The following SELENOO variants were observed in gnomAD, a reference collection of about 807,000 sequenced individuals.
SELENOO encodes selenoprotein O.
SELENOO carries 74 observed loss-of-function variants against 58.7 expected under a neutral mutation model. The ratio of observed to expected loss-of-function variants is 1.26; its 90% CI spans 1.04 to 1.53. SELENOO has a LOEUF of 1.53. Among genes scored for constraint, SELENOO ranks in the 40% most tolerant of loss-of-function variants. The pLI is 0.00. For synonymous variants in SELENOO, 543 were observed against 453.2 expected (o/e 1.20, Z -2.52); for missense variants, 1,149 against 970.0 (o/e 1.18, Z -2.45).
rs1483882438 is a variant in SELENOO, at chr22:50,201,547, T to C, written c.511T>C (p.Trp171Arg). 1.5e-5 allele frequency: 21 copies of C among 1,388,172 alleles called. No individual in the cohort carries two copies. Among genetic ancestry groups the C allele is most frequent in the Non-Finnish European group, 2.0e-5 (21 of 1,066,358 alleles). The allele number at this position is 1,388,172 out of a possible 1,614,324, so 86.0% of individuals were successfully genotyped here. ...GGTGTGCACGGCGACCGGCGAGCGC[T>C]GGGAGCTGCAGCTCAAGGGCGCCGG... Reference protein sequence around the residue: ...GEVCTATGERWELQLKGAGPT... With the variant: ...GEVCTATGERRELQLKGAGPT... The change falls in exon 1 of 9, where the codon TGG becomes CGG. Residue 171 changes from tryptophan to arginine, a missense_variant. Trp to Arg is a moderately radical substitution (Grantham distance 101). Coordinates refer to ENST00000380903, the MANE Select transcript of SELENOO (RefSeq NM_031454.2).
intron 3 of SELENOO, 90 bp from the exon 4 acceptor site, chr22:50,210,091 C>T: frequency 1.3e-6 from 2 of 1,495,384 alleles, no homozygotes; most frequent in Non-Finnish European, 1.8e-6. Flanking sequence ...CAGCGAAGCA[C>T]AGCCGGTTTC....
At chr22:50,212,796 C>T (rs2064379984) in intron 5 of SELENOO, among the ~76,000 whole-genome samples, 1 of 150,740 alleles carries the variant, frequency 6.6e-6, no homozygotes, top group Non-Finnish European at 1.5e-5. Context: ...TGTTGTCTCC[C>T]TCTAATCTTC....
Position 50,201,435 on chromosome 22 carries a change from C to A in SELENOO, c.399C>A (p.Ala133=). The A allele has an allele frequency of 1.5e-6, 2 of 1,378,140 alleles. No individual in the cohort carries two copies. The highest frequency in any genetic ancestry group is 1.9e-6 in the Non-Finnish European group (2 of 1,060,626). 85.4% of individuals were successfully genotyped at this position (1,378,140 alleles called of 1,614,324 possible). The change falls in exon 1 of 9, where the codon GCC becomes GCA. Residue 133 remains alanine, a synonymous_variant. Coordinates refer to ENST00000380903, the MANE Select transcript of SELENOO (RefSeq NM_031454.2). ...FFSGNALLPG[A]EPAAHCYCGH... is the part of the protein sequence containing the mutation. Reference sequence around the variant, plus strand: ...GCGGCAACGCGCTCCTGCCGGGCGCCGAGCCCGCCGCGCACTGCTACTGCG... The same window carrying A: ...GCGGCAACGCGCTCCTGCCGGGCGCAGAGCCCGCCGCGCACTGCTACTGCG...
chr22:50,217,234 C>A lies in SELENOO; in HGVS notation c.1875C>A (p.Thr625=). 1.2e-6 allele frequency: 2 copies of A among 1,611,914 alleles called. No individual in the cohort carries two copies. Among genetic ancestry groups the A allele is most frequent in the Non-Finnish European group, 1.7e-6 (2 of 1,179,512 alleles). ...GGCGGGTGCTGAAACTACTGGAGACCCCTTACCACTGCGAGGCGGGGGCCG... is the reference window on the plus strand; with the variant it reads ...GGCGGGTGCTGAAACTACTGGAGACACCTTACCACTGCGAGGCGGGGGCCG... ...EVRRVLKLLE[T]PYHCEAGAAT... is the part of the protein sequence containing the mutation. Residue 625 remains threonine (T), a synonymous_variant, in exon 9 of 9, where the codon ACC becomes ACA. Coordinates refer to ENST00000380903, the MANE Select transcript of SELENOO (RefSeq NM_031454.2).
chr22:50,214,356 A>AT (rs1327998927), intron 5 of SELENOO, among the ~76,000 whole-genome samples: 1 of 152,198 alleles, frequency 6.6e-6, no homozygotes, highest in Non-Finnish European at 1.5e-5. Context: ...ATGGTGGCTC[A>AT]TGCCTGTAAT....
chr22:50,201,256 C>A lies in SELENOO; in HGVS notation c.220C>A (p.Pro74Thr). Residue 74 changes from proline to threonine, a missense_variant, in exon 1 of 9, where the codon CCG (proline) becomes ACG (threonine). Physicochemically the swap from Pro to Thr is conservative, Grantham distance 38. Coordinates refer to ENST00000380903, the MANE Select transcript of SELENOO (RefSeq NM_031454.2). ...PPGPEGAPSAPRPVPGACFTR... is the reference protein window; with the variant it reads ...PPGPEGAPSATRPVPGACFTR... ...CGGTCCCGAGGGCGCCCCGTCCGCG[C>A]CGCGGCCCGTGCCCGGGGCCTGCTT... is the stretch of plus-strand genomic sequence containing the variant. The A allele has an allele frequency of 9.3e-7, 1 of 1,073,006 alleles. No individual in the cohort carries two copies. The highest frequency in any genetic ancestry group is 6.8e-5 in the East Asian group (1 of 14,700). The allele number at this position is 1,073,006 out of a possible 1,614,324, so 66.5% of individuals were successfully genotyped here. A position where few individuals can be genotyped will look rare whatever the true frequency, so the allele number is the denominator to read the frequency against.
At position 50,208,699 on chromosome 22, in the gene SELENOO, G is replaced by T; in HGVS notation, c.922G>T (p.Ala308Ser). ...AHASDSVQRN[A>S]AFFREVTRRT... ...TGCCAGCGACAGCGTGCAGAGAAAT[G>T]CTGCCTTCTTCCGGGAGGTCAGTGG... The change falls in exon 3 of 9, where the codon GCT (alanine) becomes TCT (serine). Residue 308 changes from alanine to serine, a missense_variant. By Grantham distance (99) the Ala-to-Ser change is moderately conservative. Coordinates refer to ENST00000380903, the MANE Select transcript of SELENOO (RefSeq NM_031454.2). 6.2e-7 allele frequency: 1 copy of T among 1,612,866 alleles called. No homozygotes were observed.
At chr22:50,206,827 C>T (rs2064336206) in intron 2 of SELENOO, among the ~76,000 whole-genome samples, 1 of 152,166 alleles carries the variant, frequency 6.6e-6, no homozygotes, top group Non-Finnish European at 1.5e-5. Flanking sequence ...GCTGGTGTGT[C>T]TCAAAGCACC....
At chr22:50,215,114 T>C (rs1382414072) in intron 5 of SELENOO, among the ~76,000 whole-genome samples, 1 of 152,236 alleles carries the variant, frequency 6.6e-6, no homozygotes, top group Non-Finnish European at 1.5e-5. Context: ...TTAGGGTCAC[T>C]GTGGTTTCAG....
intron 1 of SELENOO, among the ~76,000 whole-genome samples, chr22:50,204,935 T>G (rs1034170034): frequency 6.6e-6 from 1 of 152,250 alleles, no homozygotes; most frequent in African/African-American, 2.4e-5. Flanking sequence ...GATGCTGATA[T>G]GCTACAACAC....
intron 5 of SELENOO, among the ~76,000 whole-genome samples, chr22:50,214,055 G>T (rs1253781190): frequency 6.6e-6 from 1 of 152,154 alleles, no homozygotes; most frequent in Non-Finnish European, 1.5e-5. Flanking sequence ...TTACATTTTT[G>T]GGCTTTCTTA....
At chr22:50,206,283 C>T (rs777471467) in intron 1 of SELENOO, 34 bp from the exon 2 acceptor site, 54 of 1,596,006 alleles carry the variant, frequency 3.4e-5, no homozygotes, top group Admixed American at 2.3e-4. Context: ...ACCTCCTGAC[C>T]GGCCCACGTA....
chr22:50,210,882 C>G lies in SELENOO; in HGVS notation c.1322C>G (p.Ser441Cys). ...VELEEDGALV[S>C]KLLETMHLTG... Reference sequence around the variant, plus strand: ...CTGGAGGAAGACGGGGCGCTGGTGTCCAAGCTCCTGGAGACCATGCATCTG... The same window carrying G: ...CTGGAGGAAGACGGGGCGCTGGTGTGCAAGCTCCTGGAGACCATGCATCTG... Residue 441 changes from serine (S) to cysteine (C), a missense_variant, in exon 5 of 9, where the codon TCC becomes TGC. Ser to Cys is a moderately radical substitution (Grantham distance 112, BLOSUM62 -1). Coordinates refer to ENST00000380903, the MANE Select transcript of SELENOO (RefSeq NM_031454.2). 1.2e-6 allele frequency: 2 copies of G among 1,614,112 alleles called. No homozygotes were observed. Among genetic ancestry groups the G allele is most frequent in the Non-Finnish European group, 1.7e-6 (2 of 1,180,034 alleles).
rs1378331579 is a variant in SELENOO, at chr22:50,204,634, A to G, written c.555-1683A>G. Among the ~76,000 whole-genome samples, 3 of 141,564 alleles carry G rather than the reference A, an allele frequency of 2.1e-5. No individual in the cohort carries two copies. The East Asian group carries it at 6.2e-4, about 29-fold the overall frequency. 92.9% of individuals were successfully genotyped at this position (141,564 alleles called of 152,430 possible). A position where few individuals can be genotyped will look rare whatever the true frequency, so the allele number is the denominator to read the frequency against. On this transcript the variant is annotated intron_variant, in intron 1 of 8. Transcript: ENST00000380903. ...AGACCCTGTCTCAAAAAAAAAAAAA[A>G]ATCGTAAGTTAAAAAGTGTTGCGGC...
intron 5 of SELENOO, 33 bp downstream of exon 5, chr22:50,210,944 C>T: frequency 6.2e-7 from 1 of 1,611,578 alleles, no homozygotes; most frequent in Non-Finnish European, 8.5e-7. Flanking sequence ...CAGCAAGGCG[C>T]CTCCCGTGCT....
intron 1 of SELENOO, among the ~76,000 whole-genome samples, chr22:50,202,920 ATG>A (rs748497376): frequency 6.6e-6 from 1 of 152,210 alleles, no homozygotes; most frequent in Non-Finnish European, 1.5e-5. Context: ...ACTGAAAAAC[ATG>A]AAGAAAATAA....
At chr22:50,209,664 G>T (rs576182642) in intron 3 of SELENOO, 1 of 154,510 alleles carries the variant, frequency 6.5e-6, no homozygotes, top group African/African-American at 2.4e-5. Context: ...GTGGTGTCAG[G>T]CCTGTGTTCA....
In SELENOO at chr22:50,217,253, G is replaced by A. The variant is rs748899356; in HGVS notation, c.1894G>A (p.Gly632Arg). Residue 632 changes from glycine to arginine, a missense_variant, in exon 9 of 9, where the codon GGG becomes AGG. Gly to Arg is a moderately radical substitution (Grantham distance 125, BLOSUM62 -2). Coordinates refer to ENST00000380903, the MANE Select transcript of SELENOO (RefSeq NM_031454.2). ...GGAGACCCCTTACCACTGCGAGGCG[G>A]GGGCCGCCACAGACGCCGAGGCCAC... ...LLETPYHCEA[G>R]AATDAEATEA... 2.4e-5 allele frequency: 38 copies of A among 1,611,848 alleles called. 1 individual carries two copies. In the South Asian group the frequency reaches 3.8e-4, roughly 16 times the overall value.
chr22:50,215,564 G>C (rs2064399964), intron 5 of SELENOO, among the ~76,000 whole-genome samples, 153 bp from the exon 6 acceptor site: 1 of 150,128 alleles, frequency 6.7e-6, no homozygotes, highest in East Asian at 2.0e-4. Context: ...GGAGCGTGTG[G>C]ATCCGTGCTG....
Sources: allele counts gnomAD v4.1 joint callset (sites outside exome capture counted in the v4.1 genomes callset), GRCh38; gene constraint gnomAD v4.1.1; transcripts MANE v1.5; gene names NCBI Gene and HGNC (gene_info 2026-07-23, HGNC 2026-07-21).